Variants in BAG4 observed in about 807,000 individuals in gnomAD.
BAG4 encodes BAG cochaperone 4.
BAG4 carries 28 observed loss-of-function variants against 52.1 expected under a neutral mutation model. That is an observed-to-expected ratio of 0.54 (90% CI 0.40 to 0.74). BAG4 has a LOEUF of 0.74. BAG4 is among the 30% of genes least tolerant of loss of function. The pLI is 0.00. For synonymous variants in BAG4, 208 were observed against 217.0 expected (o/e 0.96, Z 0.37); for missense variants, 525 against 572.0 (o/e 0.92, Z 0.84).
At chr8:38,201,135 A>G (rs2130684095) in intron 2 of BAG4, among the ~76,000 whole-genome samples, 1 of 152,336 alleles carries the variant, frequency 6.6e-6, no homozygotes, top group South Asian at 2.1e-4. Flanking sequence ...TTAACTTATA[A>G]TTTAGTAGTA....
chr8:38,180,452 G>A (rs571799233), intron 1 of BAG4, among the ~76,000 whole-genome samples: 5 of 147,246 alleles, frequency 3.4e-5, no homozygotes, highest in African/African-American at 1.3e-4. Context: ...GAACCCGGGA[G>A]GCAGAAGTTG....
At chr8:38,180,614 GTTT>G (rs2130659607) in intron 1 of BAG4, among the ~76,000 whole-genome samples, 1 of 131,060 alleles carries the variant, frequency 7.6e-6, no homozygotes, top group African/African-American at 2.8e-5. Flanking sequence ...TTTTTTTTAT[GTTT>G]TGCATTTTTA....
intron 1 of BAG4, among the ~76,000 whole-genome samples, chr8:38,187,985 C>T (rs1187080323): frequency 4.4e-5 from 6 of 135,832 alleles, no homozygotes; most frequent in Admixed American, 1.7e-4. Flanking sequence ...TGCAGTGAGC[C>T]GAGATCGTGC....
chr8:38,188,760 A>C (rs368768813), intron 1 of BAG4, among the ~76,000 whole-genome samples: 3 of 151,120 alleles, frequency 2.0e-5, no homozygotes, highest in Non-Finnish European at 4.4e-5. Flanking sequence ...TGGAGTGGCT[A>C]CTTTAATATC....
At chr8:38,206,274 T>TAAA (rs758467407) in intron 2 of BAG4, among the ~76,000 whole-genome samples, 1 of 127,638 alleles carries the variant, frequency 7.8e-6, no homozygotes, top group Non-Finnish European at 1.7e-5. Flanking sequence ...GACTCCATCT[T>TAAA]AAAAAAAAAA....
At position 38,176,895 on chromosome 8, in the gene BAG4, A is replaced by G. The variant is rs931803291; in HGVS notation, c.26A>G (p.Tyr9Cys). 8 of 1,545,304 alleles carry G rather than the reference A, an allele frequency of 5.2e-6. No individual in the cohort carries two copies. In the Admixed American group the frequency reaches 1.2e-4, roughly 23 times the overall value. Residue 9 changes from tyrosine (Y) to cysteine (C), a missense_variant, in exon 1 of 5, where the codon TAC becomes TGC. This residue lies in a region of BAG4 where 287 missense variants were observed against 266.1 expected (regional missense o/e 1.08). Coordinates refer to ENST00000287322, the MANE Select transcript of BAG4 (RefSeq NM_004874.4). MSALRRSGYGPSDGPSYGR... is the reference protein window; with the variant it reads MSALRRSGCGPSDGPSYGR... ...ATGTCGGCCCTGAGGCGCTCGGGCT[A>G]CGGCCCCAGTGACGGTCCGTCCTAC...
chr8:38,200,009 CTTT>C (rs58025410), intron 2 of BAG4, among the ~76,000 whole-genome samples: 5 of 141,286 alleles, frequency 3.5e-5, no homozygotes, highest in Non-Finnish European at 3.1e-5. Context: ...TTGGTACCCC[CTTT>C]TTTTTTTTTT....
intron 3 of BAG4, 80 bp from the exon 4 acceptor site, chr8:38,208,933 A>G (rs560883045): frequency 1.3e-4 from 188 of 1,468,872 alleles, no homozygotes; most frequent in Non-Finnish European, 1.6e-4. Flanking sequence ...GAGAGGAAGC[A>G]TCTCAGAATC....
chr8:38,201,868 ATATATATATATATTTTTTTTTTTTT>A (rs1248950616), intron 2 of BAG4: 13 of 6,474 alleles, frequency 2.0e-3, no homozygotes, highest in African/African-American at 5.8e-3. Context: ...ATATATATAT[ATATATATATATATTTTTTTTTTTTT>A]TTTTTTTTTT....
rs537960331 is a variant in BAG4 at position 38,188,590 on chromosome 8, T to C, written c.271-4098T>C. ...ATACATATATATACGTGTATACACA[T>C]ATATATATGCATGTATACATATATA... On this transcript the variant is annotated intron_variant, in intron 1 of 4. Coordinates refer to ENST00000287322, the MANE Select transcript of BAG4 (RefSeq NM_004874.4). Among the ~76,000 whole-genome samples the C allele has an allele frequency of 2.5e-3, 381 of 149,800 alleles. 6 individuals carry two copies. The highest frequency in any genetic ancestry group is 0.014 in the Middle Eastern group (4 of 280).
chr8:38,208,874 A>T, intron 3 of BAG4, 139 bp from the exon 4 acceptor site: 1 of 1,091,298 alleles, frequency 9.2e-7, no homozygotes, highest in Non-Finnish European at 1.3e-6. Context: ...GATTAATTAG[A>T]TTTACTACAG....
intron 1 of BAG4, among the ~76,000 whole-genome samples, chr8:38,190,550 G>C (rs2130671878): frequency 6.6e-6 from 1 of 150,670 alleles, no homozygotes; most frequent in African/African-American, 2.4e-5. Context: ...TCACCTCTCA[G>C]CCTCCTGAGT....
At chr8:38,179,277 C>T (rs1803223554) in intron 1 of BAG4, among the ~76,000 whole-genome samples, 1 of 152,012 alleles carries the variant, frequency 6.6e-6, no homozygotes, top group African/African-American at 2.4e-5. Flanking sequence ...CTGCTTCAGC[C>T]TTCCTAGTAG....
In BAG4 at chr8:38,212,375, A is replaced by G. The variant is rs1585670818; in HGVS notation, c.*1882A>G. ...TTTGTTTTCTAACAGTTATTTTTTA[A>G]GCTTTTGAGATAATTTTAGACTTAC... On this transcript the variant is annotated 3_prime_UTR_variant, in exon 5 of 5. Coordinates refer to ENST00000287322, the MANE Select transcript of BAG4 (RefSeq NM_004874.4). 6.6e-6 allele frequency: 1 copy of G among 152,106 alleles called. No homozygotes were observed. Among genetic ancestry groups the G allele is most frequent in the Non-Finnish European group, 1.5e-5 (1 of 68,014 alleles). The allele number at this position is 152,106 out of a possible 1,614,324, so 9.4% of individuals were successfully genotyped here. A position where few individuals can be genotyped will look rare whatever the true frequency, so the allele number is the denominator to read the frequency against.
At chr8:38,186,031 C>T (rs956488379) in intron 1 of BAG4, among the ~76,000 whole-genome samples, 1 of 152,152 alleles carries the variant, frequency 6.6e-6, no homozygotes, top group Non-Finnish European at 1.5e-5. Flanking sequence ...ATGTATTCCA[C>T]CTCATAGCCT....
chr8:38,184,587 G>C (rs1296152424), intron 1 of BAG4, among the ~76,000 whole-genome samples: 1 of 152,224 alleles, frequency 6.6e-6, no homozygotes, highest in Non-Finnish European at 1.5e-5. Flanking sequence ...AGGACGTTCG[G>C]GTCGGAGAGT....
chr8:38,198,677 A>AC (rs1803609560), intron 2 of BAG4, among the ~76,000 whole-genome samples: 2 of 151,514 alleles, frequency 1.3e-5, no homozygotes, highest in Non-Finnish European at 2.9e-5. Flanking sequence ...TTTAGTGGAG[A>AC]TGGGTTTCAC....
At chr8:38,190,294 A>C (rs1416507970) in intron 1 of BAG4, among the ~76,000 whole-genome samples, 1 of 152,200 alleles carries the variant, frequency 6.6e-6, no homozygotes, top group Non-Finnish European at 1.5e-5. Flanking sequence ...ACTACTAATA[A>C]CATTATATGA....
rs142876854 is a variant in BAG4, at chr8:38,206,921, C to T, written c.379-591C>T. Reference sequence around the variant, plus strand: ...TCAGCCTCCTGAGTAGCTTGGACTACAGATGTGTGCCATGAGGCCTAGATA... The same window carrying T: ...TCAGCCTCCTGAGTAGCTTGGACTATAGATGTGTGCCATGAGGCCTAGATA... On this transcript the variant is annotated intron_variant, in intron 2 of 4. Transcript: ENST00000287322. Among the ~76,000 whole-genome samples, 173 of 150,842 alleles carry T rather than the reference C, an allele frequency of 1.1e-3. 1 individual carries two copies. The highest frequency in any genetic ancestry group is 3.9e-3 in the African/African-American group (161 of 41,076).
Sources: gnomAD v4.1 joint callset for allele counts (sites outside exome capture counted in the v4.1 genomes callset) on GRCh38, gnomAD v4.1.1 for gene constraint, gnomAD v4.1.1 regional missense constraint, MANE v1.5 for transcripts, NCBI Gene and HGNC (gene_info 2026-07-23, HGNC 2026-07-21) for gene names.